AP2A2: variants seen among roughly 807,000 people sequenced by gnomAD.
AP2A2 encodes adaptor related protein complex 2 subunit alpha 2, also known as AP-2 complex subunit alpha-2.
A neutral mutation model predicts 104.2 loss-of-function variants in AP2A2; 32 were observed. The observed-to-expected ratio is 0.31, with a 90% confidence interval of 0.23 to 0.41. The LOEUF is 0.41. Among genes scored for constraint, AP2A2 ranks in the 10% least tolerant of loss-of-function variants. The pLI is 1.00. For missense variants in AP2A2, 912 were observed against 1,261.0 expected, an observed-to-expected ratio of 0.72 and a Z score of 4.19; for synonymous variants, 539 against 533.3, an observed-to-expected ratio of 1.01 and a Z score of -0.15.
intron 15 of AP2A2, among the ~76,000 whole-genome samples, chr11:1,002,427 G>A (rs1488519197): frequency 6.6e-6 from 1 of 152,262 alleles, no homozygotes; most frequent in Non-Finnish European, 1.5e-5. Flanking sequence ...CCTGTGTTGT[G>A]TGTTGCTTAG....
In AP2A2 at chr11:994,000, C is replaced by T. The variant is rs776436751; in HGVS notation, c.1782+15C>T. ...CCGACATTCTGGTAGGAGGCCCCCGCCCTTCGGGCTGGCTTGGCTGAGGGT... is the reference window on the plus strand; with the variant it reads ...CCGACATTCTGGTAGGAGGCCCCCGTCCTTCGGGCTGGCTTGGCTGAGGGT... On this transcript the variant is annotated intron_variant, in intron 13 of 21. Transcript: ENST00000448903. This position sits in a 1 kb window ranked among gnomAD's most constrained non-coding sequence, Gnocchi z 8.2. The T allele has an allele frequency of 9.3e-6, 15 of 1,609,508 alleles. No individual in the cohort carries two copies. The African/African-American group carries it at 1.3e-4, about 14-fold the overall frequency.
intron 3 of AP2A2, among the ~76,000 whole-genome samples, chr11:970,625 G>A (rs1293143662): frequency 6.6e-6 from 1 of 152,282 alleles, no homozygotes; most frequent in African/African-American, 2.4e-5. Flanking sequence ...CCCTTACGGC[G>A]AGTTTCAGGA....
chr11:943,273 G>C (rs1853716886), intron 1 of AP2A2: 1 of 152,192 alleles, frequency 6.6e-6, no homozygotes, highest in African/African-American at 2.4e-5. Context: ...AACTCTAAGA[G>C]GGTCCACGTG....
intron 1 of AP2A2, among the ~76,000 whole-genome samples, chr11:935,925 G>A (rs1391032483): frequency 2.0e-5 from 3 of 146,860 alleles, no homozygotes; most frequent in Non-Finnish European, 3.0e-5. Context: ...TCCCCCAGGC[G>A]GAGTCTTGCT....
At chr11:930,560 G>A (rs1853257631) in intron 1 of AP2A2, among the ~76,000 whole-genome samples, 2 of 150,458 alleles carry the variant, frequency 1.3e-5, no homozygotes, top group East Asian at 2.0e-4. Flanking sequence ...GCGCTCTGTC[G>A]CCCAGGCTGG....
At chr11:939,951 C>CTTTTTTTTTTTTTTTTTTTTTTTTTTTTT in intron 1 of AP2A2, among the ~76,000 whole-genome samples, 1 of 106,060 alleles carries the variant, frequency 9.4e-6, no homozygotes, top group Non-Finnish European at 1.9e-5. Context: ...GTTTTGCTTA[C>CTTTTTTTTTTTTTTTTTTTTTTTTTTTTT]TTTTTTTTTT....
intron 1 of AP2A2, chr11:933,706 C>T (rs1024461838): frequency 6.6e-6 from 3 of 453,158 alleles, no homozygotes; most frequent in East Asian, 7.0e-5. Flanking sequence ...GTGGGAGAGG[C>T]GAGTTCCAGT....
At position 1,011,893 on chromosome 11, in the gene AP2A2, C is replaced by T. The variant is rs1856447027; in HGVS notation, c.*1268C>T. 1 of 193,104 alleles carries T rather than the reference C, an allele frequency of 5.2e-6. No homozygotes were observed. The highest frequency in any genetic ancestry group is 5.6e-5 in the Admixed American group (1 of 17,902). 12.0% of individuals were successfully genotyped at this position (193,104 alleles called of 1,614,324 possible). ...GCACCCCACAATGTCTGCGGCTCTT[C>T]TTCCGGCGTGTCGGGCTTTGATCAC... is the stretch of plus-strand genomic sequence containing the variant. On this transcript the variant is annotated 3_prime_UTR_variant, in exon 22 of 22. Coordinates refer to ENST00000448903, the MANE Select transcript of AP2A2 (RefSeq NM_012305.4).
Position 925,961 on chromosome 11 carries a change from C to A in AP2A2, c.-61C>A. On this transcript the variant is annotated 5_prime_UTR_variant, in exon 1 of 22. Transcript: ENST00000448903. ...GTGACGGCGACCGCACTCCCCGCTT[C>A]CCGCTCCCCGCGCTCCTCCGCCCGG... 3 of 1,303,478 alleles carry A rather than the reference C, an allele frequency of 2.3e-6. No homozygotes were observed. Among genetic ancestry groups the A allele is most frequent in the Non-Finnish European group, 3.0e-6 (3 of 994,730 alleles). 80.7% of individuals were successfully genotyped at this position (1,303,478 alleles called of 1,614,324 possible).
In AP2A2 at chr11:986,782, C is replaced by T. The variant is rs1855473546; in HGVS notation, c.963-3C>T. 4 of 1,612,606 alleles carry T rather than the reference C, an allele frequency of 2.5e-6. No homozygotes were observed. Among genetic ancestry groups the T allele is most frequent in the African/African-American group, 2.7e-5 (2 of 74,916 alleles). Reference sequence around the variant, plus strand: ...CCCACCCACTTCCCCTCCCTCCACACAGTGAGCCGAACCTGCTCGTCCGTG... The same window carrying T: ...CCCACCCACTTCCCCTCCCTCCACATAGTGAGCCGAACCTGCTCGTCCGTG... On this transcript the variant is annotated splice_region_variant and splice_polypyrimidine_tract_variant and intron_variant, in intron 8 of 21. Coordinates refer to ENST00000448903, the MANE Select transcript of AP2A2 (RefSeq NM_012305.4).
At chr11:934,863 CT>C (rs573925246) in intron 1 of AP2A2, among the ~76,000 whole-genome samples, 150 of 143,906 alleles carry the variant, frequency 1.0e-3, no homozygotes, top group South Asian at 1.3e-3. Context: ...CTTTTCTTTT[CT>C]TTTTTTTTTT....
intron 14 of AP2A2, 48 bp downstream of exon 14, chr11:994,293 C>G (rs1404492388): frequency 1.3e-6 from 2 of 1,599,124 alleles, no homozygotes; most frequent in South Asian, 1.1e-5. Flanking sequence ...GGCCTCACCC[C>G]CAAGACTTGG....
chr11:965,950 CCTG>C (rs1854601407), intron 2 of AP2A2, among the ~76,000 whole-genome samples: 2 of 152,206 alleles, frequency 1.3e-5, no homozygotes. Flanking sequence ...AGGTCATCCT[CCTG>C]CTTCCACCTC....
At chr11:1,000,849 G>C (rs1198444296) in intron 15 of AP2A2, among the ~76,000 whole-genome samples, 1 of 152,228 alleles carries the variant, frequency 6.6e-6, no homozygotes, top group South Asian at 2.1e-4. Flanking sequence ...GAAACACACT[G>C]TCTGGGTGGT....
At chr11:1,006,429 A>C (rs1271070020) in intron 16 of AP2A2, 99 bp from the exon 17 acceptor site, 72 of 867,720 alleles carry the variant, frequency 8.3e-5, no homozygotes, top group Non-Finnish European at 1.2e-4. Flanking sequence ...GTGAACTTAA[A>C]TTCAGCTGAA....
chr11:997,998 CTG>C (rs1346109386), intron 14 of AP2A2, among the ~76,000 whole-genome samples: 1 of 152,286 alleles, frequency 6.6e-6, no homozygotes, highest in Non-Finnish European at 1.5e-5. Context: ...AGAGGAGAAA[CTG>C]TCTCCATTTG....
At chr11:966,029 GGTCTCGC>G (rs1854604609) in intron 2 of AP2A2, among the ~76,000 whole-genome samples, 1 of 152,086 alleles carries the variant, frequency 6.6e-6, no homozygotes, top group African/African-American at 2.4e-5. Flanking sequence ...GTAGAGATGG[GGTCTCGC>G]TGTGTTTCCT....
At chr11:937,738 G>T (rs1853506097) in intron 1 of AP2A2, among the ~76,000 whole-genome samples, 1 of 152,200 alleles carries the variant, frequency 6.6e-6, no homozygotes. Flanking sequence ...CAAGGTGATT[G>T]GGCACTTGAT....
intron 3 of AP2A2, 139 bp from the exon 4 acceptor site, chr11:971,923 C>A: frequency 1.3e-6 from 1 of 786,780 alleles, no homozygotes; most frequent in Non-Finnish European, 2.0e-6. Context: ...AGGCGCCGCT[C>A]CCACAGCAGT....
Sources: gnomAD v4.1 joint callset for allele counts (sites outside exome capture counted in the v4.1 genomes callset) on GRCh38, gnomAD v4.1.1 for gene constraint, Gnocchi (gnomAD v3.1) non-coding constraint, MANE v1.5 for transcripts, NCBI Gene and HGNC (gene_info 2026-07-23, HGNC 2026-07-21) for gene names.